Variants in PRR5 observed in about 807,000 individuals in gnomAD.
PRR5 encodes proline-rich protein 5.
In PRR5, 25 loss-of-function variants were observed where a neutral mutation model predicts 30.6. That is an observed-to-expected ratio of 0.82 (90% CI 0.60 to 1.14). The LOEUF (loss-of-function observed/expected upper bound fraction) is 1.14. Ranked by LOEUF, PRR5 falls within the 50% of genes most tolerant of loss-of-function variation. PRR5 has a pLI of 0.00. For synonymous variants in PRR5, 286 were observed against 247.1 expected, an observed-to-expected ratio of 1.16 and a Z score of -1.48; for missense variants, 600 against 547.1, an observed-to-expected ratio of 1.10 and a Z score of -0.96.
At chr22:44,703,304 T>C (rs966554249) in intron 1 of PRR5, among the ~76,000 whole-genome samples, 8 of 152,072 alleles carry the variant, frequency 5.3e-5, no homozygotes, top group Non-Finnish European at 1.0e-4. Context: ...TGAGGCAGGC[T>C]GTTCGCGGGA....
At chr22:44,670,737 G>A (rs982805172) in intron 1 of PRR5, among the ~76,000 whole-genome samples, 6 of 152,196 alleles carry the variant, frequency 3.9e-5, no homozygotes, top group Admixed American at 6.5e-5. Flanking sequence ...GCCTGGGGAC[G>A]GTAACACAGA....
intron 1 of PRR5, among the ~76,000 whole-genome samples, chr22:44,692,651 C>T (rs181486867): frequency 5.3e-5 from 8 of 152,348 alleles, no homozygotes; most frequent in African/African-American, 1.4e-4. Flanking sequence ...ACATCCCAAG[C>T]AGCATTCCTT....
chr22:44,732,851 C>T (rs1387387699), intron 6 of PRR5, among the ~76,000 whole-genome samples: 2 of 133,218 alleles, frequency 1.5e-5, no homozygotes, highest in Non-Finnish European at 3.2e-5. Context: ...CGTGCACACA[C>T]GTGCACACGC....
intron 4 of PRR5, among the ~76,000 whole-genome samples, chr22:44,728,864 T>G (rs1379124761): frequency 6.6e-6 from 1 of 152,170 alleles, no homozygotes; most frequent in Non-Finnish European, 1.5e-5. Context: ...GCCTTGGACT[T>G]CAGCCCCTGG....
intron 1 of PRR5, among the ~76,000 whole-genome samples, chr22:44,688,107 G>T (rs1202437406): frequency 6.6e-6 from 1 of 151,040 alleles, no homozygotes; most frequent in Admixed American, 6.6e-5. Flanking sequence ...TTCCTAGCCG[G>T]GTGCAGTGGC....
intron 5 of PRR5, among the ~76,000 whole-genome samples, chr22:44,732,036 G>C (rs1253178809): frequency 1.3e-5 from 2 of 152,234 alleles, no homozygotes; most frequent in Non-Finnish European, 2.9e-5. Context: ...CCAGCAGCGA[G>C]GCACAGCGTA....
In PRR5 at chr22:44,726,622, C is replaced by T. The variant is rs747683269; in HGVS notation, c.310C>T (p.Arg104Cys). Residue 104 changes from arginine to cysteine, a missense_variant, in exon 4 of 8, where the codon CGC (arginine) becomes TGC (cysteine). Arg to Cys is a radical substitution (Grantham distance 180). Transcript: ENST00000336985. ...CATGGTGATCCTTCGGGACAAGATT[C>T]GCTTCTATGAGGGTGAGTGTGGGCC... Reference protein sequence around the residue: ...KGMVILRDKIRFYEGQKLLDS... With the variant: ...KGMVILRDKICFYEGQKLLDS... 2.5e-5 allele frequency: 40 copies of T among 1,614,000 alleles called. 1 individual carries two copies. The highest frequency in any genetic ancestry group is 8.8e-5 in the South Asian group (8 of 91,090).
At chr22:44,729,430 G>T in intron 4 of PRR5, 1 of 985,322 alleles carries the variant, frequency 1.0e-6, no homozygotes, top group South Asian at 4.7e-5. Context: ...CTGCGGGGCC[G>T]CTCGCCTGCA....
chr22:44,693,778 T>C (rs146221682), intron 1 of PRR5, among the ~76,000 whole-genome samples: 7,501 of 142,458 alleles, frequency 0.053, 441 homozygotes, highest in African/African-American at 0.14. Flanking sequence ...TACAGGCGCC[T>C]GCCACCACAC....
chr22:44,726,871 G>A (rs577524419), intron 4 of PRR5, among the ~76,000 whole-genome samples: 6 of 152,272 alleles, frequency 3.9e-5, no homozygotes, highest in East Asian at 1.9e-4. Flanking sequence ...ATGAGACATC[G>A]GGGAAAAGCC....
chr22:44,669,353 C>T (rs1000132849), intron 1 of PRR5, among the ~76,000 whole-genome samples: 3 of 152,202 alleles, frequency 2.0e-5, no homozygotes, highest in African/African-American at 7.2e-5. Flanking sequence ...TGGCCTCTGG[C>T]CTGGGCCTCC....
At chr22:44,723,010 G>C (rs1835582907) in intron 2 of PRR5, among the ~76,000 whole-genome samples, 1 of 148,772 alleles carries the variant, frequency 6.7e-6, no homozygotes, top group Non-Finnish European at 1.5e-5. Context: ...TTTTGAGACA[G>C]AGACTCGCTC....
intron 1 of PRR5, among the ~76,000 whole-genome samples, chr22:44,695,831 C>A (rs1226568174): frequency 6.6e-6 from 1 of 151,420 alleles, no homozygotes; most frequent in Non-Finnish European, 1.5e-5. Flanking sequence ...GAACCCCTGA[C>A]CTCAAGTGAT....
intron 1 of PRR5, among the ~76,000 whole-genome samples, chr22:44,695,386 G>A (rs748955551): frequency 6.6e-6 from 1 of 152,168 alleles, no homozygotes; most frequent in African/African-American, 2.4e-5. Context: ...CAATAACAAG[G>A]GTGGCACCAG....
At chr22:44,736,646 G>A in intron 7 of PRR5, 126 bp from the exon 8 acceptor site, 2 of 1,441,534 alleles carry the variant, frequency 1.4e-6, no homozygotes, top group Non-Finnish European at 1.8e-6. Flanking sequence ...GCTGAGCCGG[G>A]CCCCGGGTCG....
At chr22:44,729,385 A>C (rs1602082506) in intron 4 of PRR5, 1 of 985,000 alleles carries the variant, frequency 1.0e-6, no homozygotes, top group Non-Finnish European at 1.2e-6. Flanking sequence ...CACAGCGAGA[A>C]CCCCAGAGTG....
At position 44,714,650 on chromosome 22, in the gene PRR5, T is replaced by G. The variant is rs370351693; in HGVS notation, c.194T>G (p.Phe65Cys). 1.4e-5 allele frequency: 22 copies of G among 1,613,788 alleles called. No homozygotes were observed. The African/African-American group carries it at 1.6e-4, about 12-fold the overall frequency. ...QRKGLPDQEL[F>C]SLNEGVRQLL... ...AAGGGGCTGCCCGACCAGGAGCTCT[T>G]CAGCCTCAACGAGGGCGTCCGGTGA... The change falls in exon 2 of 8, where the codon TTC becomes TGC. Residue 65 changes from phenylalanine to cysteine, a missense_variant. By Grantham distance (205) the Phe-to-Cys change is radical (BLOSUM62 -2). Transcript: ENST00000336985.
chr22:44,729,623 C>T (rs894523614), intron 4 of PRR5: 7 of 985,334 alleles, frequency 7.1e-6, no homozygotes, highest in African/African-American at 1.7e-5. Context: ...TTCCTGGGGT[C>T]GCCCCATACC....
At position 44,737,230 on chromosome 22, in the gene PRR5, C is replaced by A. The variant is rs560191056; in HGVS notation, c.1150C>A (p.Arg384=). The change falls in exon 8 of 8, where the codon CGG becomes AGG. Residue 384 remains arginine (R), a synonymous_variant. Coordinates refer to ENST00000336985, the MANE Select transcript of PRR5 (RefSeq NM_181333.4). ...GTCCGACTTGGAGGGCTCTGGGGGC[C>A]GGCAGAGTGTCGTGTGAGGCCTCAC... is the stretch of plus-strand genomic sequence containing the variant. ...GMSDLEGSGG[R]QSVV The A allele has an allele frequency of 6.2e-7, 1 of 1,603,058 alleles. No homozygotes were observed. The highest frequency in any genetic ancestry group is 1.7e-5 in the Admixed American group (1 of 59,752).
Sources: allele counts gnomAD v4.1 joint callset (sites outside exome capture counted in the v4.1 genomes callset), GRCh38; gene constraint gnomAD v4.1.1; transcripts MANE v1.5; gene names NCBI Gene and HGNC (gene_info 2026-07-23, HGNC 2026-07-21).